Variants in ERC2 observed in about 807,000 individuals in gnomAD.
The protein encoded by ERC2 is ERC protein 2.
ERC2 carries 42 observed loss-of-function variants against 114.8 expected under a neutral mutation model. The observed-to-expected ratio is 0.37, with a 90% CI of 0.29 to 0.47. ERC2 has a LOEUF of 0.47. Among genes scored for constraint, ERC2 ranks in the 20% least tolerant of loss-of-function variants. The pLI is 0.99. For synonymous variants in ERC2, 454 were observed against 425.5 expected (o/e 1.07, Z -0.82); for missense variants, 939 against 1,150.7 (o/e 0.82, Z 2.66).
At chr3:55,892,453 G>A (rs986762425) in intron 13 of ERC2, among the ~76,000 whole-genome samples, 1 of 152,160 alleles carries the variant, frequency 6.6e-6, no homozygotes, top group Non-Finnish European at 1.5e-5. Flanking sequence ...AGCCTGGGAA[G>A]CCAAAACTGT....
intron 17 of ERC2, among the ~76,000 whole-genome samples, chr3:55,574,702 G>A (rs2056886251): frequency 6.6e-6 from 1 of 152,188 alleles, no homozygotes; most frequent in African/African-American, 2.4e-5. Flanking sequence ...TCCTAAGAGG[G>A]CTCAAGTGAT....
intron 14 of ERC2, among the ~76,000 whole-genome samples, chr3:55,871,653 C>G (rs1398803836): frequency 6.6e-6 from 1 of 152,150 alleles, no homozygotes; most frequent in Non-Finnish European, 1.5e-5. Flanking sequence ...TAACAAAACT[C>G]TAACGAAGAT....
At position 55,605,381 on chromosome 3, in the gene ERC2, C is replaced by T. The variant is rs2058599634; in HGVS notation, c.*39+78413G>A. Among the ~76,000 whole-genome samples, 3 of 152,292 alleles carry T rather than the reference C, an allele frequency of 2.0e-5. No individual in the cohort carries two copies. In the South Asian group the frequency reaches 6.2e-4, roughly 32 times the overall value. On this transcript the variant is annotated intron_variant, in intron 17 of 17. Transcript: ENST00000288221. ...CAGTCACTGGGATTACAGACATCAG[C>T]CACCATGACTGGTGAAAATATTTTT...
chr3:56,442,146 G>A (rs1319793149), intron 1 of ERC2, among the ~76,000 whole-genome samples: 1 of 151,976 alleles, frequency 6.6e-6, no homozygotes, highest in Non-Finnish European at 1.5e-5. Flanking sequence ...TCCTCTTGAG[G>A]CTACAAAAAA....
intron 17 of ERC2, among the ~76,000 whole-genome samples, chr3:55,610,313 T>C (rs557304550): frequency 6.6e-6 from 1 of 152,198 alleles, no homozygotes; most frequent in African/African-American, 2.4e-5. Flanking sequence ...CCCCATTTCC[T>C]GGTTAAAAAC....
intron 14 of ERC2, among the ~76,000 whole-genome samples, chr3:55,859,006 A>G (rs950951847): frequency 4.6e-5 from 7 of 152,094 alleles, no homozygotes; most frequent in African/African-American, 1.7e-4. Flanking sequence ...GCCCCAGTGC[A>G]CCCTCAGCAC....
At chr3:56,381,398 G>A (rs923874971) in intron 2 of ERC2, among the ~76,000 whole-genome samples, 9 of 151,940 alleles carry the variant, frequency 5.9e-5, no homozygotes, top group Admixed American at 2.0e-4. Flanking sequence ...GAATCTGCAC[G>A]TACAAAAAGT....
chr3:55,964,223 T>G (rs1329667903), intron 12 of ERC2, among the ~76,000 whole-genome samples: 2 of 152,200 alleles, frequency 1.3e-5, no homozygotes, highest in Non-Finnish European at 2.9e-5. Context: ...TCATCCCCAT[T>G]TTACAGATGA....
intron 15 of ERC2, among the ~76,000 whole-genome samples, chr3:55,708,044 C>A (rs1010977487): frequency 6.6e-6 from 1 of 152,162 alleles, no homozygotes; most frequent in Non-Finnish European, 1.5e-5. Flanking sequence ...CAAATCAAGA[C>A]TGACCTGGGA....
In ERC2 at chr3:55,699,477, A is replaced by T; in HGVS notation, c.2748T>A (p.Tyr916Ter). The T allele has an allele frequency of 1.9e-6, 3 of 1,613,352 alleles. No homozygotes were observed. Among genetic ancestry groups the T allele is most frequent in the Non-Finnish European group, 2.5e-6 (3 of 1,179,500 alleles). ...GGTGGTAATGGTGATGGTCATCATC[A>T]TAGTTGTCTGCCATCAACTTCATTC... ...QNRMKLMADN[Y>*]DDDHHHYHHH... Residue 916 changes from tyrosine (Y) to a stop codon, truncating the protein, a stop_gained, in exon 16 of 18, where the codon TAT (tyrosine) becomes TAA (stop). Transcript: ENST00000288221. LOFTEE classifies it high-confidence loss of function.
intron 4 of ERC2, among the ~76,000 whole-genome samples, chr3:56,160,634 A>G (rs2149987799): frequency 6.6e-6 from 1 of 152,276 alleles, no homozygotes; most frequent in Non-Finnish European, 1.5e-5. Context: ...TATTTAATCC[A>G]TCTTGAATTA....
chr3:56,093,437 C>A (rs1250744615), intron 6 of ERC2, among the ~76,000 whole-genome samples: 1 of 152,104 alleles, frequency 6.6e-6, no homozygotes, highest in East Asian at 1.9e-4. Context: ...CACAGGACAT[C>A]ATGCTAACCA....
chr3:56,062,792 C>A (rs2076300053), intron 7 of ERC2, among the ~76,000 whole-genome samples: 1 of 152,102 alleles, frequency 6.6e-6, no homozygotes, highest in African/African-American at 2.4e-5. Context: ...GGATTCTGGT[C>A]TCAACTCTGA....
At chr3:55,597,107 T>C (rs1012279474) in intron 17 of ERC2, among the ~76,000 whole-genome samples, 4 of 152,192 alleles carry the variant, frequency 2.6e-5, no homozygotes, top group Admixed American at 6.5e-5. Flanking sequence ...GTACTTGATA[T>C]CTGCACTTCT....
chr3:55,801,549 C>T (rs774398067), intron 14 of ERC2, among the ~76,000 whole-genome samples: 5 of 148,958 alleles, frequency 3.4e-5, no homozygotes, highest in Non-Finnish European at 7.4e-5. Context: ...TCTTGCAGGA[C>T]CAATTTCCTT....
At chr3:55,650,370 C>T (rs9847625) in intron 17 of ERC2, among the ~76,000 whole-genome samples, 3,283 of 152,292 alleles carry the variant, frequency 0.022, 117 homozygotes, top group African/African-American at 0.074. Flanking sequence ...TCTCTCCCCC[C>T]ATCTCACTTG....
intron 6 of ERC2, among the ~76,000 whole-genome samples, chr3:56,091,754 C>G (rs959976042): frequency 2.0e-5 from 3 of 152,182 alleles, no homozygotes; most frequent in African/African-American, 4.8e-5. Flanking sequence ...AAGGTCTCTT[C>G]CTCTCATAGT....
At chr3:56,330,790 GA>G (rs2057574321) in intron 2 of ERC2, among the ~76,000 whole-genome samples, 1 of 152,142 alleles carries the variant, frequency 6.6e-6, no homozygotes, top group South Asian at 2.1e-4. Flanking sequence ...AGGCATCTTG[GA>G]TAAGGGATAC....
At chr3:56,370,994 A>C (rs1488310086) in intron 2 of ERC2, among the ~76,000 whole-genome samples, 3 of 152,200 alleles carry the variant, frequency 2.0e-5, no homozygotes, top group Admixed American at 6.5e-5. Flanking sequence ...ATGGAGCCTT[A>C]AATGCTTCTG....
Sources: allele counts gnomAD v4.1 joint callset (sites outside exome capture counted in the v4.1 genomes callset), GRCh38; gene constraint gnomAD v4.1.1; transcripts MANE v1.5; gene names NCBI Gene and HGNC (gene_info 2026-07-23, HGNC 2026-07-21).